Variants in RAD51B observed in about 807,000 individuals in gnomAD.
RAD51B encodes the protein RAD51 paralog B.
Under a neutral mutation model 42.2 loss-of-function variants are expected in RAD51B, and 38 were observed. The observed-to-expected ratio is 0.90, with a 90% CI of 0.70 to 1.18. The LOEUF (loss-of-function observed/expected upper bound fraction) is 1.18, where lower values mean the gene tolerates loss of function less well. RAD51B is among the 50% of genes most tolerant of loss of function. The pLI, the probability that RAD51B is intolerant of heterozygous loss-of-function variation, is 0.00. For synonymous variants in RAD51B, 154 were observed against 145.2 expected (o/e 1.06, Z -0.43); for missense variants, 373 against 400.7 (o/e 0.93, Z 0.59).
At chr14:67,961,252 T>C (rs2074660055) in intron 7 of RAD51B, among the ~76,000 whole-genome samples, 1 of 152,168 alleles carries the variant, frequency 6.6e-6, no homozygotes. Context: ...GCAATTCTCC[T>C]ACCTCTGCTT....
intron 6 of RAD51B, 32 bp from the exon 7 acceptor site, chr14:67,886,989 T>A (rs1177177712): frequency 7.5e-7 from 1 of 1,327,224 alleles, no homozygotes; most frequent in Non-Finnish European, 1.0e-6. Flanking sequence ...ATCTTAAATT[T>A]ATTGACTATT....
chr14:67,971,243 T>C (rs189479911), intron 7 of RAD51B, among the ~76,000 whole-genome samples: 480 of 152,212 alleles, frequency 3.2e-3, no homozygotes, highest in Non-Finnish European at 4.7e-3. Context: ...TACATGCGAA[T>C]TTTAAAAGAT....
chr14:68,496,845 A>T (rs1330488481), intron 10 of RAD51B, among the ~76,000 whole-genome samples: 1 of 152,236 alleles, frequency 6.6e-6, no homozygotes, highest in Non-Finnish European at 1.5e-5. Context: ...TCAACAGACT[A>T]CAACTTTCTG....
chr14:67,846,816 G>A (rs766092794), intron 4 of RAD51B, among the ~76,000 whole-genome samples: 1 of 152,142 alleles, frequency 6.6e-6, no homozygotes, highest in Non-Finnish European at 1.5e-5. Flanking sequence ...TCTCCTAGGA[G>A]AGCATGGTGA....
At chr14:68,003,411 G>C (rs1450635906) in intron 7 of RAD51B, among the ~76,000 whole-genome samples, 1 of 152,204 alleles carries the variant, frequency 6.6e-6, no homozygotes, top group Non-Finnish European at 1.5e-5. Flanking sequence ...AGCGTAAGAA[G>C]CTTTTGGGTT....
chr14:68,297,828 A>G (rs2081643935), intron 8 of RAD51B, among the ~76,000 whole-genome samples: 1 of 152,234 alleles, frequency 6.6e-6, no homozygotes, highest in Non-Finnish European at 1.5e-5. Flanking sequence ...AAGGCCACAC[A>G]GTGAGAGCTG....
intron 7 of RAD51B, among the ~76,000 whole-genome samples, chr14:68,150,702 A>T (rs901049051): frequency 6.6e-6 from 1 of 152,030 alleles, no homozygotes; most frequent in African/African-American, 2.4e-5. Flanking sequence ...TTATGATTCC[A>T]TTTACCTCTA....
At chr14:68,194,137 T>C (rs979650186) in intron 7 of RAD51B, among the ~76,000 whole-genome samples, 22 of 152,240 alleles carry the variant, frequency 1.4e-4, no homozygotes, top group African/African-American at 5.3e-4. Context: ...ACATCATAGT[T>C]GCAAGTATAA....
At chr14:68,609,809 G>A (rs1387159194) in intron 10 of RAD51B, among the ~76,000 whole-genome samples, 1 of 152,098 alleles carries the variant, frequency 6.6e-6, no homozygotes, top group African/African-American at 2.4e-5. Context: ...GCCATTCTCA[G>A]TGGCCCAGGA....
chr14:68,571,265 C>G (rs1353241601), intron 10 of RAD51B, among the ~76,000 whole-genome samples: 2 of 152,188 alleles, frequency 1.3e-5, no homozygotes, highest in Non-Finnish European at 2.9e-5. Context: ...TGCCCATTTC[C>G]CATTGCTGCC....
chr14:68,592,923 A>G (rs1216298579), intron 10 of RAD51B, among the ~76,000 whole-genome samples: 2 of 152,138 alleles, frequency 1.3e-5, no homozygotes, highest in African/African-American at 4.8e-5. Context: ...GTCCATGGCC[A>G]TGGCCATCAG....
intron 10 of RAD51B, among the ~76,000 whole-genome samples, chr14:68,617,122 C>A (rs1891842169): frequency 6.6e-6 from 1 of 151,938 alleles, no homozygotes; most frequent in Admixed American, 6.6e-5. Context: ...CCTGGTGAGT[C>A]TAGTAATTTT....
At position 68,136,575 on chromosome 14, in the gene RAD51B, C is replaced by CAAAAAAAAAA. The variant is rs1204817902; in HGVS notation, c.757-155292_757-155283dup. On this transcript the variant is annotated intron_variant, in intron 7 of 10. Coordinates refer to ENST00000471583, the MANE Select transcript of RAD51B (RefSeq NM_133510.4). ...TGTGGTGACAAATGAGACTCCATCT[C>CAAAAAAAAAA]AAAAAAAAAAAAAAAAAAAAAAAAA... is the stretch of plus-strand genomic sequence containing the variant. Among the ~76,000 whole-genome samples, 33 of 4,452 alleles carry CAAAAAAAAAA rather than the reference C, an allele frequency of 7.4e-3. 7 individuals carry two copies. The highest frequency in any genetic ancestry group is 0.011 in the African/African-American group (32 of 2,834). The allele number at this position is 4,452 out of a possible 152,430, so 2.9% of individuals were successfully genotyped here.
chr14:68,645,400 G>A (rs192238818), intron 10 of RAD51B, among the ~76,000 whole-genome samples: 10 of 152,212 alleles, frequency 6.6e-5, no homozygotes, highest in African/African-American at 1.9e-4. Context: ...TTCATTCATC[G>A]ACAGACAGTT....
chr14:68,650,799 T>C (rs746726292), exon 11 of RAD51B: 34 of 760,946 alleles, frequency 4.5e-5, no homozygotes, highest in Non-Finnish European at 1.7e-5. Flanking sequence ...CACATTTGCA[T>C]ATCTGGTTTC....
At chr14:68,620,324 A>C (rs972270362) in intron 10 of RAD51B, among the ~76,000 whole-genome samples, 2 of 152,106 alleles carry the variant, frequency 1.3e-5, no homozygotes, top group African/African-American at 4.8e-5. Context: ...TAAGAATAGC[A>C]ACCTTCCCTA....
intron 7 of RAD51B, among the ~76,000 whole-genome samples, chr14:68,240,357 G>T (rs2080357160): frequency 6.6e-6 from 1 of 152,138 alleles, no homozygotes; most frequent in Non-Finnish European, 1.5e-5. Context: ...AGGAACTTCT[G>T]GGGATTGTCT....
At chr14:68,296,051 G>C (rs1413622653) in intron 8 of RAD51B, among the ~76,000 whole-genome samples, 2 of 152,198 alleles carry the variant, frequency 1.3e-5, no homozygotes, top group Non-Finnish European at 2.9e-5. Flanking sequence ...AGGTATGCCA[G>C]AGTACCAATG....
chr14:68,682,060 A>G (rs1893442896), intron 11 of RAD51B, among the ~76,000 whole-genome samples: 1 of 152,110 alleles, frequency 6.6e-6, no homozygotes, highest in Non-Finnish European at 1.5e-5. Context: ...ATTAACATTA[A>G]AAAAAAGAAT....
Sources: gnomAD v4.1 joint callset for allele counts (sites outside exome capture counted in the v4.1 genomes callset) on GRCh38, gnomAD v4.1.1 for gene constraint, MANE v1.5 for transcripts, NCBI Gene and HGNC (gene_info 2026-07-23, HGNC 2026-07-21) for gene names.